Variants in POU6F2 observed in about 807,000 individuals in gnomAD.
POU6F2 encodes the protein POU domain, class 6, transcription factor 2.
POU6F2 carries 31 observed loss-of-function variants against 71.3 expected under a neutral mutation model. That is an observed-to-expected ratio of 0.43 (90% CI 0.33 to 0.59). The LOEUF is 0.59. Among genes scored for constraint, POU6F2 ranks in the 20% least tolerant of loss-of-function variants. The pLI is 0.04. For synonymous variants in POU6F2, 347 were observed against 355.7 expected, an observed-to-expected ratio of 0.98 and a Z score of 0.27; for missense variants, 783 against 856.8, an observed-to-expected ratio of 0.91 and a Z score of 1.07.
At chr7:39,157,415 G>A (rs1792893995) in intron 2 of POU6F2, among the ~76,000 whole-genome samples, 1 of 151,980 alleles carries the variant, frequency 6.6e-6, no homozygotes, top group African/African-American at 2.4e-5. Flanking sequence ...AAGTGCTTAT[G>A]CATTTATTTA....
At chr7:39,148,457 G>A (rs896500644) in intron 2 of POU6F2, among the ~76,000 whole-genome samples, 3 of 152,084 alleles carry the variant, frequency 2.0e-5, no homozygotes, top group African/African-American at 7.2e-5. Context: ...TATTCCTTGG[G>A]TTGACACTGA....
chr7:39,412,942 A>G (rs1337593252), intron 6 of POU6F2, among the ~76,000 whole-genome samples: 1 of 150,700 alleles, frequency 6.6e-6, no homozygotes, highest in East Asian at 1.9e-4. Flanking sequence ...CTGGGACTAC[A>G]GGTGCCTGCC....
intron 1 of POU6F2, among the ~76,000 whole-genome samples, chr7:39,025,826 G>A (rs1191331089): frequency 6.6e-6 from 1 of 150,560 alleles, no homozygotes; most frequent in Admixed American, 6.6e-5. Context: ...TACAAAATGG[G>A]AGAAAATTTT....
intron 4 of POU6F2, among the ~76,000 whole-genome samples, chr7:39,220,974 T>G (rs1401499348): frequency 1.3e-5 from 2 of 152,082 alleles, no homozygotes; most frequent in African/African-American, 4.8e-5. Flanking sequence ...TCATGAATAT[T>G]TATATATTGA....
In POU6F2 at chr7:39,467,929, G is replaced by A. The variant is rs1452115088; in HGVS notation, c.*3243G>A. 3.3e-5 allele frequency: 5 copies of A among 151,244 alleles called. No individual in the cohort carries two copies. Among genetic ancestry groups the A allele is most frequent in the South Asian group, 4.2e-4 (2 of 4,786 alleles). 9.4% of individuals were successfully genotyped at this position (151,244 alleles called of 1,614,324 possible). A position where few individuals can be genotyped will look rare whatever the true frequency, so the allele number is the denominator to read the frequency against. On this transcript the variant is annotated 3_prime_UTR_variant, in exon 10 of 10. Coordinates refer to ENST00000518318, the MANE Select transcript of POU6F2 (RefSeq NM_001370959.1). ...ATGGCTAAATGTTGCTGACAATCTC[G>A]CAATACTAAACTGTTCCTATTTTAA...
chr7:39,454,657 TA>T (rs1788743695), intron 8 of POU6F2, among the ~76,000 whole-genome samples: 1 of 260 alleles, frequency 3.8e-3, no homozygotes, highest in Non-Finnish European at 0.014. Flanking sequence ...AGACCAGGGA[TA>T]TATATATATA....
chr7:39,178,988 G>A (rs1334848834), intron 2 of POU6F2, among the ~76,000 whole-genome samples: 5 of 152,066 alleles, frequency 3.3e-5, no homozygotes, highest in East Asian at 1.9e-4. Flanking sequence ...GAGACGTGAC[G>A]GTTTTTTTAA....
At chr7:38,987,918 C>T (rs2116612526) in intron 1 of POU6F2, among the ~76,000 whole-genome samples, 1 of 152,180 alleles carries the variant, frequency 6.6e-6, no homozygotes, top group Middle Eastern at 3.4e-3. Flanking sequence ...TAGGTGTGTT[C>T]TTTTTCCCTC....
chr7:39,288,158 CA>C (rs1309190773), intron 4 of POU6F2, among the ~76,000 whole-genome samples: 1 of 152,206 alleles, frequency 6.6e-6, no homozygotes, highest in Non-Finnish European at 1.5e-5. Flanking sequence ...AATCTTCTTT[CA>C]ATTATAATCA....
intron 1 of POU6F2, among the ~76,000 whole-genome samples, chr7:39,072,479 A>G (rs1490176607): frequency 6.6e-6 from 1 of 152,236 alleles, no homozygotes; most frequent in African/African-American, 2.4e-5. Flanking sequence ...CCAATTGTTT[A>G]TGAAGACTTC....
intron 2 of POU6F2, among the ~76,000 whole-genome samples, chr7:39,122,658 G>A (rs999322449): frequency 1.3e-4 from 19 of 150,844 alleles, no homozygotes; most frequent in African/African-American, 3.9e-4. Context: ...TGCTTATTGG[G>A]GTCCAATTTA....
intron 2 of POU6F2, among the ~76,000 whole-genome samples, chr7:39,190,631 CTTTTTTTTTT>C (rs58654872): frequency 1.3e-3 from 98 of 74,224 alleles, no homozygotes; most frequent in Non-Finnish European, 1.7e-3. Flanking sequence ...GAGTCAACTT[CTTTTTTTTTT>C]TTTTTTTTTT....
chr7:39,424,438 T>C (rs1206162490), intron 6 of POU6F2, among the ~76,000 whole-genome samples: 1 of 152,208 alleles, frequency 6.6e-6, no homozygotes, highest in Non-Finnish European at 1.5e-5. Context: ...AACTTTCCAG[T>C]ATGCTTTTCA....
At chr7:39,446,666 A>G (rs2116096092) in intron 7 of POU6F2, among the ~76,000 whole-genome samples, 1 of 152,334 alleles carries the variant, frequency 6.6e-6, no homozygotes, top group Non-Finnish European at 1.5e-5. Context: ...AAACCAAGAG[A>G]GCAAGCCTGT....
chr7:39,184,097 G>C (rs1043745919), intron 2 of POU6F2, among the ~76,000 whole-genome samples: 8 of 152,152 alleles, frequency 5.3e-5, no homozygotes, highest in African/African-American at 1.9e-4. Flanking sequence ...CTAAAGAGGG[G>C]CAAATTCATG....
At chr7:39,351,302 A>T (rs1786135379) in intron 5 of POU6F2, among the ~76,000 whole-genome samples, 1 of 152,184 alleles carries the variant, frequency 6.6e-6, no homozygotes, top group East Asian at 1.9e-4. Flanking sequence ...AGCCAGCATC[A>T]TTTGTGCTCT....
chr7:39,289,725 C>A (rs1400610202), intron 4 of POU6F2, among the ~76,000 whole-genome samples: 1 of 152,154 alleles, frequency 6.6e-6, no homozygotes, highest in Non-Finnish European at 1.5e-5. Flanking sequence ...AAATAGTTGG[C>A]CTTGGTTTTG....
chr7:39,130,090 A>AAAT (rs1792233775), intron 2 of POU6F2, among the ~76,000 whole-genome samples: 1 of 140,768 alleles, frequency 7.1e-6, no homozygotes, highest in Admixed American at 7.2e-5. Flanking sequence ...AAAAAAAAAA[A>AAAT]TTTCACAGCA....
chr7:39,013,792 G>A (rs1043724617), intron 1 of POU6F2, among the ~76,000 whole-genome samples: 4 of 151,996 alleles, frequency 2.6e-5, no homozygotes. Context: ...AATGAGTGGA[G>A]GAAATAGTTG....
Sources: gnomAD v4.1 joint callset for allele counts (sites outside exome capture counted in the v4.1 genomes callset) on GRCh38, gnomAD v4.1.1 for gene constraint, MANE v1.5 for transcripts, NCBI Gene and HGNC (gene_info 2026-07-23, HGNC 2026-07-21) for gene names.